SH3RF1: variants seen among roughly 807,000 people sequenced by gnomAD.
SH3RF1 encodes the protein SH3 domain containing ring finger 1, also known as E3 ubiquitin-protein ligase SH3RF1.
SH3RF1 carries 32 observed loss-of-function variants against 74.0 expected under a neutral mutation model. The observed-to-expected ratio is 0.43, with a 90% CI of 0.33 to 0.58. The LOEUF is 0.58. SH3RF1 is among the 20% of genes least tolerant of loss of function. SH3RF1 has a pLI of 0.05. For missense variants in SH3RF1, 954 were observed against 1,130.9 expected (o/e 0.84, Z 2.24); for synonymous variants, 396 against 439.6 (o/e 0.90, Z 1.24).
intron 2 of SH3RF1, among the ~76,000 whole-genome samples, chr4:169,158,081 C>A (rs868406685): frequency 6.6e-6 from 1 of 152,130 alleles, no homozygotes; most frequent in Admixed American, 6.5e-5. Flanking sequence ...GTGCTGATGA[C>A]TTAAAGAAGA....
At chr4:169,198,941 G>T (rs556300796) in intron 2 of SH3RF1, among the ~76,000 whole-genome samples, 3 of 152,196 alleles carry the variant, frequency 2.0e-5, no homozygotes, top group African/African-American at 7.2e-5. Context: ...AAAACTGAGA[G>T]GATTTATTAC....
chr4:169,218,395 GA>G (rs1228190180), intron 2 of SH3RF1, among the ~76,000 whole-genome samples: 1 of 132,284 alleles, frequency 7.6e-6, no homozygotes, highest in Non-Finnish European at 1.5e-5. Context: ...ATATATTATA[GA>G]ATATAGAATA....
At chr4:169,223,461 G>GA (rs1173835900) in intron 2 of SH3RF1, among the ~76,000 whole-genome samples, 1 of 152,168 alleles carries the variant, frequency 6.6e-6, no homozygotes, top group African/African-American at 2.4e-5. Flanking sequence ...GTTAAGAAAA[G>GA]AGAGGGAAAC....
At position 169,234,495 on chromosome 4, in the gene SH3RF1, C is replaced by T. The variant is rs566474010; in HGVS notation, c.393+34325G>A. Reference sequence around the variant, plus strand: ...AACTTAAGAACATTTTGGTGAAGTTCGTTTGGGTGAAGAACATTTACATCT... The same window carrying T: ...AACTTAAGAACATTTTGGTGAAGTTTGTTTGGGTGAAGAACATTTACATCT... On this transcript the variant is annotated intron_variant, in intron 2 of 11. Coordinates refer to ENST00000284637, the MANE Select transcript of SH3RF1 (RefSeq NM_020870.4). Among the ~76,000 whole-genome samples, 8 of 152,264 alleles carry T rather than the reference C, an allele frequency of 5.3e-5. 1 individual carries two copies. The highest frequency in any genetic ancestry group is 7.4e-5 in the Non-Finnish European group (5 of 68,014).
chr4:169,259,417 C>T (rs1731239979), intron 2 of SH3RF1, among the ~76,000 whole-genome samples: 1 of 152,164 alleles, frequency 6.6e-6, no homozygotes, highest in Non-Finnish European at 1.5e-5. Flanking sequence ...AAAGAGCCCA[C>T]TCACACATCT....
intron 11 of SH3RF1, among the ~76,000 whole-genome samples, chr4:169,097,099 G>A (rs912506929): frequency 5.9e-5 from 9 of 152,130 alleles, no homozygotes; most frequent in African/African-American, 1.9e-4. Flanking sequence ...TGAGCAGGGG[G>A]GGTTCAGTCC....
chr4:169,159,263 T>C (rs149850339), intron 2 of SH3RF1, among the ~76,000 whole-genome samples: 305 of 152,322 alleles, frequency 2.0e-3, no homozygotes, highest in African/African-American at 6.5e-3. Flanking sequence ...CCCTCACAGA[T>C]GCCTCATTAT....
intron 2 of SH3RF1, among the ~76,000 whole-genome samples, chr4:169,266,262 AAC>A (rs1239269532): frequency 2.0e-5 from 3 of 152,222 alleles, no homozygotes; most frequent in African/African-American, 7.2e-5. Flanking sequence ...AGCCTAACCA[AAC>A]ACAGAACATA....
chr4:169,107,254 G>A lies in SH3RF1; in HGVS notation c.2140-49C>T. ...TTAGTTGGAGAATGACAGTACTATTGCTGGTGTAATCTAAAGGGCCCTATA... is the reference window on the plus strand; with the variant it reads ...TTAGTTGGAGAATGACAGTACTATTACTGGTGTAATCTAAAGGGCCCTATA... On this transcript the variant is annotated intron_variant, in intron 10 of 11. Transcript: ENST00000284637. 2.0e-6 allele frequency: 3 copies of A among 1,482,452 alleles called. No individual in the cohort carries two copies. In the East Asian group the frequency reaches 6.9e-5, roughly 34 times the overall value. 91.8% of individuals were successfully genotyped at this position (1,482,452 alleles called of 1,614,324 possible).
At chr4:169,263,102 T>A (rs547259877) in intron 2 of SH3RF1, among the ~76,000 whole-genome samples, 5 of 152,232 alleles carry the variant, frequency 3.3e-5, no homozygotes, top group African/African-American at 1.2e-4. Context: ...GGGTCCGGTA[T>A]GAGTTAATAC....
At chr4:169,106,749 G>A (rs1733146229) in intron 11 of SH3RF1, 98 bp downstream of exon 11, 2 of 986,900 alleles carry the variant, frequency 2.0e-6, no homozygotes, top group Non-Finnish European at 3.0e-6. Context: ...AAAACATTTA[G>A]GAAGATGTGG....
chr4:169,109,922 AG>A, intron 10 of SH3RF1, among the ~76,000 whole-genome samples: 1 of 149,016 alleles, frequency 6.7e-6, no homozygotes, highest in African/African-American at 2.5e-5. Flanking sequence ...GGTGGGAGGG[AG>A]GGTTGCTTGA....
chr4:169,234,764 A>G (rs1269317932), intron 2 of SH3RF1, among the ~76,000 whole-genome samples: 1 of 152,178 alleles, frequency 6.6e-6, no homozygotes, highest in African/African-American at 2.4e-5. Context: ...AAAACAATTC[A>G]CGGTAAATTG....
intron 10 of SH3RF1, among the ~76,000 whole-genome samples, chr4:169,110,217 A>G (rs983645825): frequency 2.0e-5 from 3 of 151,540 alleles, no homozygotes; most frequent in African/African-American, 7.3e-5. Flanking sequence ...CTACCAAAAA[A>G]AAATTACCTA....
chr4:169,136,091 T>C (rs1479273241), intron 5 of SH3RF1, among the ~76,000 whole-genome samples: 1 of 152,220 alleles, frequency 6.6e-6, no homozygotes, highest in Admixed American at 6.5e-5. Flanking sequence ...TTCTGATCTT[T>C]CCTTTGAAAA....
At chr4:169,187,081 C>T (rs939139540) in intron 2 of SH3RF1, among the ~76,000 whole-genome samples, 2 of 151,696 alleles carry the variant, frequency 1.3e-5, no homozygotes, top group Non-Finnish European at 2.9e-5. Context: ...CTATTTTACA[C>T]AAAAATACTC....
At chr4:169,209,476 G>A (rs1046492888) in intron 2 of SH3RF1, among the ~76,000 whole-genome samples, 1 of 152,010 alleles carries the variant, frequency 6.6e-6, no homozygotes, top group African/African-American at 2.4e-5. Flanking sequence ...ATCCTCGTGG[G>A]CTGTAATTAA....
intron 5 of SH3RF1, 88 bp from the exon 6 acceptor site, chr4:169,130,244 TAA>T: frequency 6.2e-5 from 47 of 762,962 alleles, no homozygotes; most frequent in East Asian, 1.5e-4. Context: ...CAAGTCACAT[TAA>T]AAAAAAAAAT....
chr4:169,264,515 CTG>C, intron 2 of SH3RF1, among the ~76,000 whole-genome samples: 1 of 152,294 alleles, frequency 6.6e-6, no homozygotes, highest in African/African-American at 2.4e-5. Context: ...GGAGGTATGA[CTG>C]TGCTATGGAG....
Sources: allele counts gnomAD v4.1 joint callset (sites outside exome capture counted in the v4.1 genomes callset), GRCh38; gene constraint gnomAD v4.1.1; transcripts MANE v1.5; gene names NCBI Gene and HGNC (gene_info 2026-07-23, HGNC 2026-07-21).